ZNF93: variants seen among roughly 807,000 people sequenced by gnomAD.
The protein encoded by ZNF93 is zinc finger protein 93, also known as zinc finger protein 505.
Under a neutral mutation model 45.0 loss-of-function variants are expected in ZNF93, and 29 were observed. That is an observed-to-expected ratio of 0.64 (90% CI 0.48 to 0.88). ZNF93 has a LOEUF of 0.88. ZNF93 is among the 40% of genes least tolerant of loss of function. The probability of loss-of-function intolerance (pLI) is 0.00; values close to 1 mark genes in which losing one functional copy is unlikely to be tolerated. For missense variants in ZNF93, 578 were observed against 724.0 expected, an observed-to-expected ratio of 0.80 and a Z score of 2.31; for synonymous variants, 223 against 244.6, an observed-to-expected ratio of 0.91 and a Z score of 0.82.
Position 19,922,862 on chromosome 19 carries a change from A to G in ZNF93, c.226+6207A>G, listed in dbSNP as rs112002430. ...GTCTAATCTTTTTTCAAGGTTTTTA[A>G]CTTCTTTGCCATGGGTTTGAACTTC... On this transcript the variant is annotated intron_variant, in intron 3 of 3. Coordinates refer to ENST00000343769, the MANE Select transcript of ZNF93 (RefSeq NM_031218.4). 2.8e-3 allele frequency among the ~76,000 whole-genome samples: 423 copies of G among 152,122 alleles called. 4 individuals carry two copies. Among genetic ancestry groups the G allele is most frequent in the African/African-American group, 9.7e-3 (404 of 41,490 alleles).
chr19:19,912,799 C>T (rs2063313058), intron 1 of ZNF93, among the ~76,000 whole-genome samples: 1 of 152,008 alleles, frequency 6.6e-6, no homozygotes, highest in Non-Finnish European at 1.5e-5. Flanking sequence ...ACCAGCTCCC[C>T]GGGTGTTAAG....
intron 1 of ZNF93, among the ~76,000 whole-genome samples, chr19:19,903,933 C>T (rs955480928): frequency 6.6e-6 from 1 of 151,478 alleles, no homozygotes; most frequent in Non-Finnish European, 1.5e-5. Context: ...TAGGCGGGCG[C>T]TTGTAATCCT....
intron 1 of ZNF93, among the ~76,000 whole-genome samples, chr19:19,901,522 C>T (rs189604868): frequency 1.2e-3 from 188 of 152,286 alleles, no homozygotes; most frequent in Middle Eastern, 0.01. Context: ...CTCCTGTAAT[C>T]GCAGCAGTTT....
intron 3 of ZNF93, among the ~76,000 whole-genome samples, chr19:19,917,415 A>G (rs188582003): frequency 0.025 from 3,693 of 147,002 alleles, 94 homozygotes; most frequent in African/African-American, 0.072. Context: ...TTTATCTCTT[A>G]GTTAATTTTT....
At chr19:19,926,181 C>A (rs948030522) in intron 3 of ZNF93, 2 of 150,594 alleles carry the variant, frequency 1.3e-5, no homozygotes, top group Non-Finnish European at 2.9e-5. Context: ...CAGGTTCAAG[C>A]CATTCTCGTG....
chr19:19,910,420 T>A (rs756218058), intron 1 of ZNF93, among the ~76,000 whole-genome samples: 1 of 151,604 alleles, frequency 6.6e-6, no homozygotes. Flanking sequence ...TAAACCATAA[T>A]AATATATATG....
chr19:19,920,866 A>G (rs2063340945), intron 3 of ZNF93, among the ~76,000 whole-genome samples: 1 of 151,928 alleles, frequency 6.6e-6, no homozygotes, highest in Non-Finnish European at 1.5e-5. Context: ...CGGTCTATCA[A>G]TTTGGTTGAT....
chr19:19,908,659 ATG>A (rs2063299239), intron 1 of ZNF93: 1 of 152,108 alleles, frequency 6.6e-6, no homozygotes, highest in South Asian at 2.1e-4. Flanking sequence ...CCTGACCAAC[ATG>A]GAGAAACCCC....
intron 3 of ZNF93, chr19:19,927,324 C>G: frequency 2.5e-6 from 1 of 397,556 alleles, no homozygotes; most frequent in Admixed American, 4.4e-5. Flanking sequence ...TGCCACTACA[C>G]TCCAGCTTGG....
chr19:19,912,640 A>G (rs920576101), intron 1 of ZNF93, among the ~76,000 whole-genome samples: 1 of 152,172 alleles, frequency 6.6e-6, no homozygotes, highest in Non-Finnish European at 1.5e-5. Flanking sequence ...TTTTCTCTAG[A>G]CTACATTAAA....
At chr19:19,919,558 C>A (rs910803202) in intron 3 of ZNF93, among the ~76,000 whole-genome samples, 5 of 152,270 alleles carry the variant, frequency 3.3e-5, no homozygotes, top group Admixed American at 3.3e-4. Context: ...TGGCCATTTT[C>A]ATGATATTGA....
intron 1 of ZNF93, chr19:19,908,313 C>A (rs1381809087): frequency 6.6e-6 from 1 of 152,098 alleles, no homozygotes; most frequent in Non-Finnish European, 1.5e-5. Context: ...CATATAGAAC[C>A]CCCATTCAAT....
chr19:19,934,199 A>G lies in ZNF93; in HGVS notation c.1244A>G (p.His415Arg), dbSNP rs536617258. 26 of 1,612,292 alleles carry G rather than the reference A, an allele frequency of 1.6e-5. 3 individuals carry two copies. The East Asian group carries it at 4.5e-4, about 28-fold the overall frequency. ...AAGTACTCCTCTACCCTTAGTTCAC[A>G]TAAGAGAAGTCATACTGGAGAGAAA... ...AFKYSSTLSS[H>R]KRSHTGEKPY... is the part of the protein sequence containing the mutation. Residue 415 changes from histidine (H) to arginine (R), a missense_variant, in exon 4 of 4, where the codon CAT becomes CGT. Around this residue, in one of 3 missense-constraint regions of ZNF93, gnomAD observed 446 missense variants for 547.6 expected, o/e 0.81. Coordinates refer to ENST00000343769, the MANE Select transcript of ZNF93 (RefSeq NM_031218.4).
intron 3 of ZNF93, among the ~76,000 whole-genome samples, chr19:19,920,390 G>T (rs2063339733): frequency 6.6e-6 from 1 of 152,204 alleles, no homozygotes; most frequent in Non-Finnish European, 1.5e-5. Context: ...GTTCATCAGG[G>T]ATGTTGGTCT....
Position 19,934,787 on chromosome 19 carries a change from A to T in ZNF93, c.1832A>T (p.His611Leu). ...AFISPSSLSR[H>L]EIIHTGEKP ...ATTTCACCCTCAAGCCTTAGTAGAC[A>T]TGAGATAATTCATACTGGGGAGAAA... Residue 611 changes from histidine (H) to leucine (L), a missense_variant, in exon 4 of 4, where the codon CAT becomes CTT. Physicochemically the swap from His to Leu is moderately conservative, Grantham distance 99. This residue lies in a region of ZNF93 where 119 missense variants were observed against 123.1 expected (regional missense o/e 0.97). Transcript: ENST00000343769. 6.2e-7 allele frequency: 1 copy of T among 1,600,526 alleles called. No homozygotes were observed. The highest frequency in any genetic ancestry group is 8.5e-7 in the Non-Finnish European group (1 of 1,174,430).
At chr19:19,923,021 T>C in intron 3 of ZNF93, among the ~76,000 whole-genome samples, 1 of 152,206 alleles carries the variant, frequency 6.6e-6, no homozygotes, top group East Asian at 1.9e-4. Context: ...CTGATTTTTA[T>C]AATTTTCAGT....
intron 1 of ZNF93, among the ~76,000 whole-genome samples, chr19:19,911,307 C>A (rs1031473175): frequency 6.6e-6 from 1 of 152,246 alleles, no homozygotes. Flanking sequence ...GTCTTTGAGG[C>A]ATTTGAGGAT....
rs2063268082 is a variant in ZNF93 at position 19,900,956 on chromosome 19, G to GCAGCCGGAGCTC, written c.-129_-118dup. On this transcript the variant is annotated 5_prime_UTR_variant, in exon 1 of 4. Transcript: ENST00000343769. ...TTTGGCGGGTCCTTTGTCTCTCGGT[G>GCAGCCGGAGCTC]CAGCCGGAGCTCCAGGTCTCCTCTT... 5 of 1,464,242 alleles carry GCAGCCGGAGCTC rather than the reference G, an allele frequency of 3.4e-6. No homozygotes were observed. Among genetic ancestry groups the GCAGCCGGAGCTC allele is most frequent in the Non-Finnish European group, 3.8e-6 (4 of 1,057,616 alleles). The allele number at this position is 1,464,242 out of a possible 1,614,324, so 90.7% of individuals were successfully genotyped here. A position where few individuals can be genotyped will look rare whatever the true frequency, so the allele number is the denominator to read the frequency against.
At chr19:19,932,951 A>G (rs2063379181) in intron 3 of ZNF93, 1 of 306,150 alleles carries the variant, frequency 3.3e-6, no homozygotes, top group Non-Finnish European at 5.9e-6. Flanking sequence ...TTGTTTTTCA[A>G]TTGTTTGTTT....
Sources: gnomAD v4.1 joint callset for allele counts (sites outside exome capture counted in the v4.1 genomes callset) on GRCh38, gnomAD v4.1.1 for gene constraint, gnomAD v4.1.1 regional missense constraint, MANE v1.5 for transcripts, NCBI Gene and HGNC (gene_info 2026-07-23, HGNC 2026-07-21) for gene names.